The following SLC1A2 variants were observed in gnomAD, a reference collection of about 807,000 sequenced individuals.
SLC1A2 encodes the protein solute carrier family 1 member 2.
A neutral mutation model predicts 48.8 loss-of-function variants in SLC1A2; 15 were observed. The ratio of observed to expected loss-of-function variants is 0.31; its 90% CI spans 0.21 to 0.47. The LOEUF (loss-of-function observed/expected upper bound fraction) is 0.47. Among genes scored for constraint, SLC1A2 ranks in the 20% least tolerant of loss-of-function variants. The pLI is 0.99. For synonymous variants in SLC1A2, 279 were observed against 272.6 expected (o/e 1.02, Z -0.23); for missense variants, 502 against 730.5 (o/e 0.69, Z 3.61).
chr11:35,410,630 C>T lies in SLC1A2; in HGVS notation c.17+8320G>A, dbSNP rs115305205. 4.7e-3 allele frequency among the ~76,000 whole-genome samples: 721 copies of T among 152,272 alleles called. 8 individuals carry two copies. Among genetic ancestry groups the T allele is most frequent in the African/African-American group, 0.016 (685 of 41,540 alleles). On this transcript the variant is annotated intron_variant, in intron 1 of 10. Transcript: ENST00000278379. ...TGCTGGGCATGTTGATAAGTGACAGCTCTTAACTATATTCCCCCCAACCCC... is the reference window on the plus strand; with the variant it reads ...TGCTGGGCATGTTGATAAGTGACAGTTCTTAACTATATTCCCCCCAACCCC...
chr11:35,375,158 A>G (rs1326885335), intron 1 of SLC1A2, among the ~76,000 whole-genome samples: 1 of 152,362 alleles, frequency 6.6e-6, no homozygotes, highest in East Asian at 1.9e-4. Flanking sequence ...ATAACAAAAA[A>G]TAAAAAATAA....
chr11:35,324,347 T>G (rs1053370947), intron 1 of SLC1A2, among the ~76,000 whole-genome samples: 13 of 152,210 alleles, frequency 8.5e-5, no homozygotes, highest in African/African-American at 3.1e-4. Flanking sequence ...AATCACATAA[T>G]TACATGGCCA....
intron 1 of SLC1A2, among the ~76,000 whole-genome samples, chr11:35,409,204 T>C (rs1299694055): frequency 2.6e-5 from 4 of 152,226 alleles, no homozygotes; most frequent in Non-Finnish European, 5.9e-5. Flanking sequence ...AATGTCAACA[T>C]ATACGTACCT....
intron 6 of SLC1A2, chr11:35,298,601 T>A (rs1056747777): frequency 4.6e-5 from 7 of 152,222 alleles, no homozygotes; most frequent in Admixed American, 2.6e-4. Flanking sequence ...TGAGCCTAGA[T>A]GAGGTAACCA....
chr11:35,324,210 C>A (rs536472123), intron 1 of SLC1A2, among the ~76,000 whole-genome samples: 1 of 152,224 alleles, frequency 6.6e-6, no homozygotes, highest in African/African-American at 2.4e-5. Flanking sequence ...ACAGAAGCTG[C>A]AAAGACAAAG....
At chr11:35,334,119 A>G (rs1852530194) in intron 1 of SLC1A2, among the ~76,000 whole-genome samples, 1 of 152,202 alleles carries the variant, frequency 6.6e-6, no homozygotes, top group Non-Finnish European at 1.5e-5. Flanking sequence ...ATTGTCCCTT[A>G]GATAGGCATG....
chr11:35,376,938 C>A (rs1854256886), intron 1 of SLC1A2, among the ~76,000 whole-genome samples: 2 of 152,328 alleles, frequency 1.3e-5, no homozygotes, highest in African/African-American at 2.4e-5. Context: ...GGTTGAAGGT[C>A]ATTTTGTAGC....
At chr11:35,302,787 T>C (rs1364903862) in intron 5 of SLC1A2, among the ~76,000 whole-genome samples, 1 of 151,404 alleles carries the variant, frequency 6.6e-6, no homozygotes, top group South Asian at 2.1e-4. Flanking sequence ...CTGGGGCACA[T>C]TGTGCGGCTT....
In SLC1A2 at chr11:35,254,130, G is replaced by A. The variant is rs181427858; in HGVS notation, c.*6764C>T. On this transcript the variant is annotated 3_prime_UTR_variant, in exon 11 of 11. Transcript: ENST00000278379. ...CCAGGAAGCCAAAATATATCTGCTG[G>A]CAACAAGATCAAGTTAGATTCACAG... 2.3e-3 allele frequency: 357 copies of A among 152,668 alleles called. 2 individuals carry two copies. The highest frequency in any genetic ancestry group is 4.3e-3 in the Non-Finnish European group (293 of 68,022). 9.5% of individuals were successfully genotyped at this position (152,668 alleles called of 1,614,324 possible).
At chr11:35,317,250 A>C in intron 2 of SLC1A2, 127 bp downstream of exon 2, 5 of 868,188 alleles carry the variant, frequency 5.8e-6, no homozygotes, top group Non-Finnish European at 8.8e-6. Context: ...CTGGGCAGAC[A>C]GGGCCCTAGG....
chr11:35,373,937 C>A (rs1029728542), intron 1 of SLC1A2, among the ~76,000 whole-genome samples: 1 of 152,204 alleles, frequency 6.6e-6, no homozygotes, highest in South Asian at 2.1e-4. Context: ...CTAAGAACGT[C>A]GGCTCCAAAG....
intron 5 of SLC1A2, among the ~76,000 whole-genome samples, chr11:35,303,679 A>T (rs2134813286): frequency 6.6e-6 from 1 of 152,348 alleles, no homozygotes; most frequent in African/African-American, 2.4e-5. Context: ...AGCTCCATTC[A>T]GTGTCAGCAG....
chr11:35,418,705 C>A, intron 1 of SLC1A2: 1 of 538,704 alleles, frequency 1.9e-6, no homozygotes, highest in Non-Finnish European at 3.3e-6. Flanking sequence ...AGGCCCCCAG[C>A]GCACCTTACC....
intron 1 of SLC1A2, among the ~76,000 whole-genome samples, chr11:35,399,422 T>C (rs1288918477): frequency 1.3e-5 from 2 of 152,232 alleles, no homozygotes; most frequent in Non-Finnish European, 2.9e-5. Flanking sequence ...CTAAAAGATT[T>C]CCTGTTCTCC....
rs149083846 is a variant in SLC1A2, at chr11:35,326,720, A to T, written c.18-9204T>A. Among the ~76,000 whole-genome samples, 42 of 152,314 alleles carry T rather than the reference A, an allele frequency of 2.8e-4. No homozygotes were observed. In the East Asian group the frequency reaches 4.8e-3, roughly 17 times the overall value. On this transcript the variant is annotated intron_variant, in intron 1 of 10. Coordinates refer to ENST00000278379, the MANE Select transcript of SLC1A2 (RefSeq NM_004171.4). ...TGGCAGGCATTCAAAACGCCACACA[A>T]TTCTTTTGTGAGATGATGTTTAAGA...
chr11:35,409,636 T>C (rs4756230), intron 1 of SLC1A2, among the ~76,000 whole-genome samples: 104,829 of 152,110 alleles, frequency 0.69, 36,686 homozygotes, highest in African/African-American at 0.81. Flanking sequence ...TGGCTAGGCA[T>C]GGTGGTTCAC....
intron 8 of SLC1A2, among the ~76,000 whole-genome samples, chr11:35,281,391 G>C (rs946802762): frequency 3.3e-5 from 5 of 152,284 alleles, no homozygotes; most frequent in Admixed American, 1.3e-4. Context: ...TTCTGCTTAC[G>C]CTTTTATGTC....
At chr11:35,375,717 G>C (rs1854204975) in intron 1 of SLC1A2, among the ~76,000 whole-genome samples, 1 of 152,224 alleles carries the variant, frequency 6.6e-6, no homozygotes, top group African/African-American at 2.4e-5. Flanking sequence ...AGTGGCATCA[G>C]CAGGTCACTG....
chr11:35,343,844 A>G (rs1055285485), intron 1 of SLC1A2, among the ~76,000 whole-genome samples: 5 of 151,794 alleles, frequency 3.3e-5, no homozygotes, highest in South Asian at 2.1e-4. Context: ...ACACAGGCAC[A>G]CACACACACA....
Sources: allele counts gnomAD v4.1 joint callset (sites outside exome capture counted in the v4.1 genomes callset), GRCh38; gene constraint gnomAD v4.1.1; transcripts MANE v1.5; gene names NCBI Gene and HGNC (gene_info 2026-07-23, HGNC 2026-07-21).